Variants in PRKCE observed in about 807,000 individuals in gnomAD.
The protein encoded by PRKCE is protein kinase C epsilon, also known as protein kinase C epsilon type.
A neutral mutation model predicts 85.4 loss-of-function variants in PRKCE; 16 were observed. The ratio of observed to expected loss-of-function variants is 0.19; its 90% CI spans 0.13 to 0.28. PRKCE has a LOEUF of 0.28. Ranked by LOEUF, PRKCE falls within the 10% of genes least tolerant of loss-of-function variation. The probability of loss-of-function intolerance (pLI) is 1.00; values close to 1 mark genes in which losing one functional copy is unlikely to be tolerated. For missense variants in PRKCE, 573 were observed against 975.2 expected, an observed-to-expected ratio of 0.59 and a Z score of 5.49; for synonymous variants, 388 against 371.5, an observed-to-expected ratio of 1.04 and a Z score of -0.51.
At chr2:46,105,447 T>C (rs1252675110) in intron 11 of PRKCE, among the ~76,000 whole-genome samples, 1 of 94,162 alleles carries the variant, frequency 1.1e-5, no homozygotes, top group Non-Finnish European at 2.4e-5. Context: ...TCTTTATCTT[T>C]CCTTTTTTTT....
At chr2:46,035,546 G>A (rs890734480) in intron 10 of PRKCE, among the ~76,000 whole-genome samples, 9 of 152,208 alleles carry the variant, frequency 5.9e-5, no homozygotes, top group Non-Finnish European at 1.2e-4. Context: ...GGGAAGGAGT[G>A]TGTGAAATGA....
At chr2:45,824,570 CTCCCTCCCTCCCTCCG>C (rs1250566873) in intron 1 of PRKCE, among the ~76,000 whole-genome samples, 2 of 151,966 alleles carry the variant, frequency 1.3e-5, no homozygotes, top group Non-Finnish European at 2.9e-5. Flanking sequence ...TGACCATTTC[CTCCCTCCCTCCCTCCG>C]TCCCTCCCTC....
chr2:46,127,304 T>C (rs1377825523), intron 11 of PRKCE, among the ~76,000 whole-genome samples: 1 of 152,208 alleles, frequency 6.6e-6, no homozygotes, highest in African/African-American at 2.4e-5. Flanking sequence ...TTTAGTAATA[T>C]GTTTGATGTG....
intron 11 of PRKCE, among the ~76,000 whole-genome samples, chr2:46,141,984 G>C (rs537272577): frequency 6.6e-5 from 10 of 152,278 alleles, no homozygotes; most frequent in African/African-American, 2.4e-4. Flanking sequence ...TGCCCAGTAA[G>C]GTCTACAGGT....
At chr2:45,691,997 T>C (rs1473084398) in intron 1 of PRKCE, among the ~76,000 whole-genome samples, 1 of 152,260 alleles carries the variant, frequency 6.6e-6, no homozygotes, top group Non-Finnish European at 1.5e-5. Context: ...ATAGTTTCAG[T>C]GTTAATAATA....
intron 1 of PRKCE, among the ~76,000 whole-genome samples, chr2:45,684,156 A>C (rs1026436683): frequency 2.0e-5 from 3 of 152,166 alleles, no homozygotes; most frequent in Non-Finnish European, 4.4e-5. Context: ...GTGTCTCTCT[A>C]CCTCATTGAA....
chr2:45,791,524 CTCTTTCTTTTAGTTCTTT>C (rs917501977), intron 1 of PRKCE, among the ~76,000 whole-genome samples: 6 of 152,196 alleles, frequency 3.9e-5, no homozygotes, highest in African/African-American at 7.2e-5. Flanking sequence ...CTTCCATATC[CTCTTTCTTTTAGTTCTTT>C]TCTTTCTTTT....
At chr2:45,858,878 T>A (rs1255138981) in intron 2 of PRKCE, among the ~76,000 whole-genome samples, 2 of 151,710 alleles carry the variant, frequency 1.3e-5, no homozygotes, top group East Asian at 3.9e-4. Flanking sequence ...CCACCTCTAC[T>A]AAAAATACAA....
At chr2:45,817,518 C>T (rs991590483) in intron 1 of PRKCE, among the ~76,000 whole-genome samples, 1 of 138,182 alleles carries the variant, frequency 7.2e-6, no homozygotes, top group African/African-American at 2.7e-5. Flanking sequence ...ACGGTGAAAC[C>T]CCGTCTCTAA....
At chr2:45,713,844 A>AAT (rs1397795028) in intron 1 of PRKCE, among the ~76,000 whole-genome samples, 1 of 152,214 alleles carries the variant, frequency 6.6e-6, no homozygotes, top group Non-Finnish European at 1.5e-5. Context: ...CTGTGGTTAT[A>AAT]ACAGAGAGAT....
rs373729633 is a variant in PRKCE, at chr2:45,775,622, TC to T, written c.349-67376del. 1.6e-4 allele frequency among the ~76,000 whole-genome samples: 24 copies of T among 152,300 alleles called. No homozygotes were observed. In the East Asian group the frequency reaches 4.4e-3, roughly 28 times the overall value. On this transcript the variant is annotated intron_variant, in intron 1 of 14. Transcript: ENST00000306156. ...CAGAATCTGACCCCTTCTCTTCATTTCCACTACCCTGGTCTGAGCCTCTGCC... is the reference window on the plus strand; with the variant it reads ...CAGAATCTGACCCCTTCTCTTCATTTCACTACCCTGGTCTGAGCCTCTGCC...
In PRKCE at chr2:45,774,225, G is replaced by T. The variant is rs1685573188; in HGVS notation, c.349-68775G>T. ...ACCCCTGTGGTCAGGGCCTGCGACT[G>T]GTGAGGTTCTAAGGCCTCCCCTCTC... On this transcript the variant is annotated intron_variant, in intron 1 of 14. Transcript: ENST00000306156. This position sits in a 1 kb window ranked among gnomAD's most constrained non-coding sequence, Gnocchi z 4.3. Among the ~76,000 whole-genome samples the T allele has an allele frequency of 5.3e-5, 8 of 152,122 alleles. No individual in the cohort carries two copies.
At chr2:45,772,074 G>A (rs569031102) in intron 1 of PRKCE, among the ~76,000 whole-genome samples, 4 of 152,146 alleles carry the variant, frequency 2.6e-5, no homozygotes, top group East Asian at 1.9e-4. Context: ...AAGGGAAACC[G>A]AGGTCAGAGA....
intron 10 of PRKCE, among the ~76,000 whole-genome samples, chr2:46,081,144 A>G (rs1282156873): frequency 1.3e-5 from 2 of 152,102 alleles, no homozygotes; most frequent in African/African-American, 4.8e-5. Flanking sequence ...GGCGTGCACC[A>G]CGATGCCTGG....
At chr2:45,912,868 C>A (rs1697483180) in intron 2 of PRKCE, among the ~76,000 whole-genome samples, 1 of 152,120 alleles carries the variant, frequency 6.6e-6, no homozygotes, top group South Asian at 2.1e-4. Context: ...TGGGGACCAC[C>A]ATCCAACCCA....
Position 46,004,428 on chromosome 2 carries a change from C to A in PRKCE, c.967-114C>A. 1.1e-6 allele frequency: 1 copy of A among 878,684 alleles called. No homozygotes were observed. Among genetic ancestry groups the A allele is most frequent in the South Asian group, 1.5e-5 (1 of 64,810 alleles). The allele number at this position is 878,684 out of a possible 1,614,324, so 54.4% of individuals were successfully genotyped here. ...CAAGAGGACAGAGATCTACTGAATT[C>A]CTGCTGCTCTGGGAACTCTCATGGC... On this transcript the variant is annotated intron_variant, in intron 7 of 14. Transcript: ENST00000306156. This position sits in a 1 kb window ranked among gnomAD's most constrained non-coding sequence, Gnocchi z 4.1.
At position 45,969,990 on chromosome 2, in the gene PRKCE, T is replaced by G. The variant is rs745591086; in HGVS notation, c.413-6439T>G. 5.9e-5 allele frequency among the ~76,000 whole-genome samples: 9 copies of G among 152,358 alleles called. No individual in the cohort carries two copies. The East Asian group carries it at 9.6e-4, about 16-fold the overall frequency. The stretch of plus-strand genomic sequence containing the variant: ...AGTCATTTCTGTTTGTTGGCTAATA[T>G]AGATATGCAAAGGGAAACATCTATA... On this transcript the variant is annotated intron_variant, in intron 2 of 14. Coordinates refer to ENST00000306156, the MANE Select transcript of PRKCE (RefSeq NM_005400.3).
intron 5 of PRKCE, among the ~76,000 whole-genome samples, chr2:45,982,679 A>T (rs1431373550): frequency 6.6e-6 from 1 of 152,038 alleles, no homozygotes; most frequent in Non-Finnish European, 1.5e-5. Flanking sequence ...CCCCCTGCAC[A>T]CATGCCGTCT....
chr2:46,101,936 C>T (rs996975784), intron 11 of PRKCE, among the ~76,000 whole-genome samples: 17 of 151,674 alleles, frequency 1.1e-4, no homozygotes, highest in African/African-American at 4.1e-4. Context: ...AAATATTCTC[C>T]CTGGGGCCAG....
Sources: gnomAD v4.1 joint callset for allele counts (sites outside exome capture counted in the v4.1 genomes callset) on GRCh38, gnomAD v4.1.1 for gene constraint, Gnocchi (gnomAD v3.1) non-coding constraint, MANE v1.5 for transcripts, NCBI Gene and HGNC (gene_info 2026-07-23, HGNC 2026-07-21) for gene names.